MAP3K7: variants seen among roughly 807,000 people sequenced by gnomAD.
The protein encoded by MAP3K7 is mitogen-activated protein kinase kinase kinase 7.
A neutral mutation model predicts 84.8 loss-of-function variants in MAP3K7; 21 were observed. The observed-to-expected ratio is 0.25, with a 90% CI of 0.18 to 0.36. The LOEUF (loss-of-function observed/expected upper bound fraction) is 0.36. Among genes scored for constraint, MAP3K7 ranks in the 10% least tolerant of loss-of-function variants. The pLI is 1.00. For synonymous variants in MAP3K7, 241 were observed against 247.7 expected (o/e 0.97, Z 0.25); for missense variants, 503 against 747.7 (o/e 0.67, Z 3.82).
chr6:90,542,556 C>CT, intron 12 of MAP3K7: 2 of 887,210 alleles, frequency 2.3e-6, no homozygotes, highest in Non-Finnish European at 2.7e-6. Context: ...AGAAATTACT[C>CT]TAGCTTCTCT....
chr6:90,553,616 A>G (rs755796365), intron 6 of MAP3K7, 30 bp from the exon 7 acceptor site: 43 of 1,575,856 alleles, frequency 2.7e-5, no homozygotes, highest in Non-Finnish European at 3.4e-5. Context: ...TATATAACCT[A>G]AAGACTATTT....
At chr6:90,546,754 C>T (rs1776012716) in intron 11 of MAP3K7, among the ~76,000 whole-genome samples, 2 of 152,030 alleles carry the variant, frequency 1.3e-5, no homozygotes, top group South Asian at 4.1e-4. Context: ...TTTTATTTTA[C>T]AATTAAAAAA....
In MAP3K7 at chr6:90,516,514, TGTC is replaced by T. The variant is rs1213408965; in HGVS notation, c.1805_1807del (p.Arg602del). Reference sequence around the variant, plus strand: ...GGTCCCAGAGAATCATGAAGTGCCTTGTCGTTTCTGCTGCTGACTTCTGATGAC... The same window carrying T: ...GGTCCCAGAGAATCATGAAGTGCCTTGTTTCTGCTGCTGACTTCTGATGAC... On this transcript the variant is annotated inframe_deletion, in exon 17 of 17. Transcript: ENST00000369329. The T allele has an allele frequency of 1.9e-6, 3 of 1,611,502 alleles. No homozygotes were observed. The highest frequency in any genetic ancestry group is 2.5e-6 in the Non-Finnish European group (3 of 1,178,796).
intron 12 of MAP3K7, among the ~76,000 whole-genome samples, chr6:90,543,976 T>C (rs190514596): frequency 9.9e-5 from 15 of 152,252 alleles, no homozygotes; most frequent in African/African-American, 7.2e-5. Context: ...AAAATCAGAA[T>C]TGACCAACTA....
intron 3 of MAP3K7, among the ~76,000 whole-genome samples, chr6:90,561,969 G>A (rs1461116126): frequency 6.6e-6 from 1 of 152,168 alleles, no homozygotes; most frequent in Non-Finnish European, 1.5e-5. Flanking sequence ...ATAAGAAGAT[G>A]AGGTTATTGG....
At chr6:90,577,667 T>C (rs1485602016) in intron 1 of MAP3K7, among the ~76,000 whole-genome samples, 1 of 152,176 alleles carries the variant, frequency 6.6e-6, no homozygotes, top group Non-Finnish European at 1.5e-5. Context: ...GGAAAGCAGA[T>C]ATAAGGACAG....
chr6:90,571,832 A>G (rs779666968), intron 1 of MAP3K7, 25 bp from the exon 2 acceptor site: 1 of 1,395,432 alleles, frequency 7.2e-7, no homozygotes, highest in Non-Finnish European at 9.9e-7. Context: ...CAAACAAAAA[A>G]CAAACAAAAA....
At chr6:90,529,670 C>A (rs1197541621) in intron 13 of MAP3K7, among the ~76,000 whole-genome samples, 2 of 152,144 alleles carry the variant, frequency 1.3e-5, no homozygotes, top group African/African-American at 4.8e-5. Context: ...AAATGATGTA[C>A]ATGAAATGTC....
intron 13 of MAP3K7, among the ~76,000 whole-genome samples, chr6:90,534,484 A>T (rs1370397057): frequency 1.3e-5 from 2 of 152,178 alleles, no homozygotes; most frequent in Middle Eastern, 3.4e-3. Context: ...TTACTGCCAT[A>T]TCAAACTCTC....
chr6:90,583,798 G>A (rs1777355992), intron 1 of MAP3K7, among the ~76,000 whole-genome samples: 1 of 152,046 alleles, frequency 6.6e-6, no homozygotes, highest in African/African-American at 2.4e-5. Flanking sequence ...AACACTTCTT[G>A]CAACCCATCC....
At chr6:90,519,344 T>G in intron 14 of MAP3K7, 25 bp from the exon 15 acceptor site, 1 of 1,470,190 alleles carries the variant, frequency 6.8e-7, no homozygotes, top group African/African-American at 1.4e-5. Context: ...TGTATTTTAT[T>G]GATTTTCTGT....
chr6:90,521,880 AAT>A (rs960436528), intron 14 of MAP3K7, among the ~76,000 whole-genome samples: 3 of 152,124 alleles, frequency 2.0e-5, no homozygotes, highest in Non-Finnish European at 4.4e-5. Context: ...TTTCTCTGAA[AAT>A]ATACAAAAAC....
chr6:90,551,082 A>C (rs1776165421), intron 8 of MAP3K7: 1 of 152,658 alleles, frequency 6.6e-6, no homozygotes, highest in Non-Finnish European at 1.5e-5. Flanking sequence ...CAAAATTACA[A>C]CTGCAATAAC....
intron 4 of MAP3K7, among the ~76,000 whole-genome samples, chr6:90,560,464 C>T (rs530756411): frequency 4.7e-4 from 71 of 152,236 alleles, no homozygotes; most frequent in African/African-American, 1.6e-3. Flanking sequence ...TGGGTTCAAG[C>T]GATTCTCCTG....
At chr6:90,546,113 T>C (rs1775992237) in intron 11 of MAP3K7, among the ~76,000 whole-genome samples, 2 of 152,144 alleles carry the variant, frequency 1.3e-5, no homozygotes, top group African/African-American at 4.8e-5. Flanking sequence ...ATGTGAAAAA[T>C]AATGCTTATG....
Position 90,586,378 on chromosome 6 carries a change from C to CAA in MAP3K7, c.120+384_120+385dup, listed in dbSNP as rs71027942. Among the ~76,000 whole-genome samples, 221 of 78,438 alleles carry CAA rather than the reference C, an allele frequency of 2.8e-3. 1 individual carries two copies. The highest frequency in any genetic ancestry group is 7.4e-3 in the Middle Eastern group (1 of 136). 51.5% of individuals were successfully genotyped at this position (78,438 alleles called of 152,430 possible). On this transcript the variant is annotated intron_variant, in intron 1 of 16. Coordinates refer to ENST00000369329, the MANE Select transcript of MAP3K7 (RefSeq NM_145331.3). ...TGGGCGACAGAGCGAGACTCCGTCT[C>CAA]AAAAAAAAAAAAAAAAAAAAAAGAA...
intron 13 of MAP3K7, among the ~76,000 whole-genome samples, chr6:90,524,081 A>G (rs1274465056): frequency 1.3e-5 from 2 of 152,162 alleles, no homozygotes; most frequent in Non-Finnish European, 2.9e-5. Flanking sequence ...CTAAACACCA[A>G]TGGCCTAGAG....
intron 1 of MAP3K7, among the ~76,000 whole-genome samples, chr6:90,574,108 TTC>T (rs1776993592): frequency 6.6e-6 from 1 of 152,190 alleles, no homozygotes; most frequent in African/African-American, 2.4e-5. Context: ...AAGTTTGAGT[TTC>T]TGTTTTCTCA....
intron 16 of MAP3K7, among the ~76,000 whole-genome samples, chr6:90,518,144 AAATC>A (rs1775029291): frequency 6.6e-6 from 1 of 151,838 alleles, no homozygotes; most frequent in African/African-American, 2.4e-5. Flanking sequence ...GAATGTTAAT[AAATC>A]AAATTATTTT....
Sources: allele counts gnomAD v4.1 joint callset (sites outside exome capture counted in the v4.1 genomes callset), GRCh38; gene constraint gnomAD v4.1.1; transcripts MANE v1.5; gene names NCBI Gene and HGNC (gene_info 2026-07-23, HGNC 2026-07-21).